The following TRPC1 variants were observed in gnomAD, a reference collection of about 807,000 sequenced individuals.
TRPC1 encodes the protein short transient receptor potential channel 1.
TRPC1 carries 42 observed loss-of-function variants against 88.2 expected under a neutral mutation model. The observed-to-expected ratio is 0.48, with a 90% CI of 0.37 to 0.62. The LOEUF (loss-of-function observed/expected upper bound fraction) is 0.62. TRPC1 is among the 20% of genes least tolerant of loss of function. The pLI, the probability that TRPC1 is intolerant of heterozygous loss-of-function variation, is 0.00. For missense variants in TRPC1, 699 were observed against 957.3 expected (o/e 0.73, Z 3.56); for synonymous variants, 288 against 331.8 (o/e 0.87, Z 1.43).
chr3:142,794,188 T>G (rs1936381779), intron 9 of TRPC1, among the ~76,000 whole-genome samples: 1 of 152,142 alleles, frequency 6.6e-6, no homozygotes, highest in Non-Finnish European at 1.5e-5. Flanking sequence ...CCTTTTGATT[T>G]ATTTTTGCCA....
At chr3:142,763,944 G>A (rs981847332) in intron 4 of TRPC1, among the ~76,000 whole-genome samples, 10 of 60,512 alleles carry the variant, frequency 1.7e-4, no homozygotes, top group South Asian at 4.0e-4. Flanking sequence ...GCGAGACTCC[G>A]TCTCAAAAAA....
intron 1 of TRPC1, among the ~76,000 whole-genome samples, chr3:142,735,406 G>A (rs1397565964): frequency 1.3e-5 from 2 of 151,940 alleles, no homozygotes; most frequent in Non-Finnish European, 2.9e-5. Flanking sequence ...CTTCTAATGA[G>A]CAACTGTATT....
chr3:142,777,806 C>T (rs767163482), intron 5 of TRPC1, 43 bp downstream of exon 5: 2 of 1,556,864 alleles, frequency 1.3e-6, no homozygotes, highest in Admixed American at 1.8e-5. Context: ...TGTTTTAAAT[C>T]TTCAACCTCA....
rs1009982678 is a variant in TRPC1, at chr3:142,732,428, A to G, written c.173-3951A>G. On this transcript the variant is annotated intron_variant, in intron 1 of 12. Transcript: ENST00000476941. Reference sequence around the variant, plus strand: ...TAGAAACACTTAAGTGTTTTGTTCAAGTTTATATGGGCCAAGGTGGAGGCC... The same window carrying G: ...TAGAAACACTTAAGTGTTTTGTTCAGGTTTATATGGGCCAAGGTGGAGGCC... 5.3e-5 allele frequency among the ~76,000 whole-genome samples: 8 copies of G among 152,202 alleles called. No homozygotes were observed. In the East Asian group the frequency reaches 7.7e-4, roughly 15 times the overall value.
intron 4 of TRPC1, 95 bp from the exon 5 acceptor site, chr3:142,777,537 A>C (rs1935820786): frequency 1.4e-6 from 1 of 731,796 alleles, no homozygotes. Flanking sequence ...TAATTTTATA[A>C]TATTTTAAGT....
At chr3:142,794,126 G>A (rs1165185777) in intron 9 of TRPC1, among the ~76,000 whole-genome samples, 1 of 152,080 alleles carries the variant, frequency 6.6e-6, no homozygotes, top group African/African-American at 2.4e-5. Flanking sequence ...GCAAGTCTCT[G>A]TATTTTTCCA....
At position 142,777,753 on chromosome 3, in the gene TRPC1, G is replaced by A. The variant is rs1282382347; in HGVS notation, c.754G>A (p.Val252Met). 6.2e-7 allele frequency: 1 copy of A among 1,607,264 alleles called. No homozygotes were observed. The highest frequency in any genetic ancestry group is 8.5e-7 in the Non-Finnish European group (1 of 1,176,426). The change falls in exon 5 of 13, where the codon GTG (valine) becomes ATG (methionine). Residue 252 changes from valine (V) to methionine (M), a missense_variant. Val to Met is a conservative substitution (Grantham distance 21, BLOSUM62 1). This residue lies in a region of TRPC1 where 426 missense variants were observed against 641.3 expected (regional missense o/e 0.66). Transcript: ENST00000476941. ...TTTAAAAGAACTAAGTCTTGTGGAGGTGGAATTCAGGTGGGAATGAATGCA... is the reference window on the plus strand; with the variant it reads ...TTTAAAAGAACTAAGTCTTGTGGAGATGGAATTCAGGTGGGAATGAATGCA... ...ADLKELSLVE[V>M]EFRNDYEELA...
At chr3:142,788,411 G>C (rs1048872895) in intron 7 of TRPC1, among the ~76,000 whole-genome samples, 3 of 152,118 alleles carry the variant, frequency 2.0e-5, no homozygotes, top group Non-Finnish European at 4.4e-5. Flanking sequence ...TGAAGGAAAG[G>C]GAGATTATTA....
chr3:142,784,211 G>GT (rs1203067533), intron 6 of TRPC1, among the ~76,000 whole-genome samples: 1 of 149,560 alleles, frequency 6.7e-6, no homozygotes, highest in Non-Finnish European at 1.5e-5. Context: ...TTAGTTAGTG[G>GT]TATCTTTTTC....
intron 12 of TRPC1, among the ~76,000 whole-genome samples, 194 bp downstream of exon 12, chr3:142,804,824 G>A (rs1410500986): frequency 1.3e-5 from 2 of 152,014 alleles, no homozygotes; most frequent in African/African-American, 2.4e-5. Context: ...GAGAGTGAGA[G>A]GGCTGGGTGC....
At position 142,804,556 on chromosome 3, in the gene TRPC1, A is replaced by G; in HGVS notation, c.2080A>G (p.Met694Val). ...IIPSPKTICYMISSLSKWICS... is the reference protein window; with the variant it reads ...IIPSPKTICYVISSLSKWICS... ...TCCCTCACCAAAGACTATCTGCTAT[A>G]TGATTAGTAGCCTCAGTAAGTGGAT... is the stretch of plus-strand genomic sequence containing the variant. Residue 694 changes from methionine (M) to valine (V), a missense_variant, in exon 12 of 13, where the codon ATG (methionine) becomes GTG (valine). By Grantham distance (21) the Met-to-Val change is conservative. Transcript: ENST00000476941. 2 of 1,613,526 alleles carry G rather than the reference A, an allele frequency of 1.2e-6. No homozygotes were observed. The highest frequency in any genetic ancestry group is 1.7e-6 in the Non-Finnish European group (2 of 1,179,666).
Position 142,776,062 on chromosome 3 carries a change from T to C in TRPC1, c.633-1570T>C, listed in dbSNP as rs916336326. The stretch of plus-strand genomic sequence containing the variant: ...AAATTAGAAGCCACCTAAATGTTCA[T>C]TAATGGAGAGCTTATAGACCTCCGT... On this transcript the variant is annotated intron_variant, in intron 4 of 12. Transcript: ENST00000476941. The surrounding 1 kb of genome is among the most constrained non-coding windows in gnomAD (Gnocchi z 4.1). Among the ~76,000 whole-genome samples the C allele has an allele frequency of 2.0e-5, 3 of 152,246 alleles. No individual in the cohort carries two copies. Among genetic ancestry groups the C allele is most frequent in the African/African-American group, 7.2e-5 (3 of 41,470 alleles).
chr3:142,748,046 A>AT (rs1934622530), intron 3 of TRPC1, among the ~76,000 whole-genome samples: 2 of 152,122 alleles, frequency 1.3e-5, no homozygotes, highest in African/African-American at 4.8e-5. Flanking sequence ...CCTATTGAAG[A>AT]TTTTGTCTGT....
chr3:142,792,717 A>G lies in TRPC1; in HGVS notation c.1438-107A>G. 8.6e-7 allele frequency: 1 copy of G among 1,160,114 alleles called. No homozygotes were observed. The highest frequency in any genetic ancestry group is 1.2e-6 in the Non-Finnish European group (1 of 862,456). 71.9% of individuals were successfully genotyped at this position (1,160,114 alleles called of 1,614,324 possible). On this transcript the variant is annotated intron_variant, in intron 8 of 12. Transcript: ENST00000476941. The surrounding 1 kb of genome is among the most constrained non-coding windows in gnomAD (Gnocchi z 4.0). ...TAAAACATAAGTGGAGATCCCCTAT[A>G]AGAAGACAAAATTAAAATGGCTTTC...
rs1198858371 is a variant in TRPC1, at chr3:142,777,635, T to C, written c.636T>C (p.Phe212=). 6.3e-7 allele frequency: 1 copy of C among 1,577,560 alleles called. No individual in the cohort carries two copies. Among genetic ancestry groups the C allele is most frequent in the Admixed American group, 1.8e-5 (1 of 57,066 alleles). Residue 212 remains phenylalanine (F), a synonymous_variant, in exon 5 of 13, where the codon TTT becomes TTC. Transcript: ENST00000476941. The part of the protein sequence containing the change: ...NKKDSLRHSR[F]RLDIYRCLAS... Reference sequence around the variant, plus strand: ...ATGGAATCCAATTTTATCACAGGTTTCGTCTTGATATATATCGATGTTTGG... The same window carrying C: ...ATGGAATCCAATTTTATCACAGGTTCCGTCTTGATATATATCGATGTTTGG...
At chr3:142,798,143 G>T (rs919323843) in intron 9 of TRPC1, among the ~76,000 whole-genome samples, 2 of 152,070 alleles carry the variant, frequency 1.3e-5, no homozygotes, top group Admixed American at 6.6e-5. Context: ...TTGGGTTAAA[G>T]CTGGAAAATG....
At chr3:142,770,901 T>C (rs1306251566) in intron 4 of TRPC1, among the ~76,000 whole-genome samples, 1 of 152,250 alleles carries the variant, frequency 6.6e-6, no homozygotes, top group Non-Finnish European at 1.5e-5. Context: ...TTCTGCAGGT[T>C]GTACAAGAAA....
Position 142,724,626 on chromosome 3 carries a change from C to G in TRPC1, c.67C>G (p.Pro23Ala). The G allele has an allele frequency of 6.2e-7, 1 of 1,612,356 alleles. No homozygotes were observed. The highest frequency in any genetic ancestry group is 8.5e-7 in the Non-Finnish European group (1 of 1,179,434). ...GASSSSLPSS[P>A]SSSSPNEVMA... ...CTCCTCCTCCTCCCTGCCTTCCTCT[C>G]CATCCTCTTCCTCGCCGAACGAGGT... Residue 23 changes from proline (P) to alanine (A), a missense_variant, in exon 1 of 13, where the codon CCA becomes GCA. Around this residue, in one of 4 missense-constraint regions of TRPC1, gnomAD observed 157 missense variants for 127.0 expected, o/e 1.24. Transcript: ENST00000476941. The surrounding 1 kb of genome is among the most constrained non-coding windows in gnomAD (Gnocchi z 5.6).
chr3:142,748,198 T>G, intron 3 of TRPC1, 60 bp from the exon 4 acceptor site: 1 of 1,371,386 alleles, frequency 7.3e-7, no homozygotes, highest in South Asian at 1.3e-5. Context: ...ATTCTTCAGA[T>G]AAATATATTT....
Sources: gnomAD v4.1 joint callset for allele counts (sites outside exome capture counted in the v4.1 genomes callset) on GRCh38, gnomAD v4.1.1 for gene constraint, gnomAD v4.1.1 regional missense constraint, Gnocchi (gnomAD v3.1) non-coding constraint, MANE v1.5 for transcripts, NCBI Gene and HGNC (gene_info 2026-07-23, HGNC 2026-07-21) for gene names.